Variants in BICD1 observed in about 807,000 individuals in gnomAD.
The protein encoded by BICD1 is BICD cargo adaptor 1, also known as protein bicaudal D homolog 1.
BICD1 carries 35 observed loss-of-function variants against 92.5 expected under a neutral mutation model. The observed-to-expected ratio is 0.38, with a 90% CI of 0.29 to 0.50. BICD1 has a LOEUF of 0.50. Among genes scored for constraint, BICD1 ranks in the 20% least tolerant of loss-of-function variants. BICD1 has a pLI of 0.93. For synonymous variants in BICD1, 429 were observed against 465.1 expected (o/e 0.92, Z 1.00); for missense variants, 950 against 1,189.8 (o/e 0.80, Z 2.97).
chr12:32,179,990 A>C (rs921413059), intron 1 of BICD1, among the ~76,000 whole-genome samples: 1 of 5,810 alleles, frequency 1.7e-4, no homozygotes, highest in Admixed American at 2.8e-3. Context: ...ACACGCTCTC[A>C]AAAAAAAAAA....
rs1053071640 is a variant in BICD1 at position 32,381,070 on chromosome 12, C to A, written c.*3443C>A. Reference sequence around the variant, plus strand: ...CATTTCAGTTCTGGGAGCTCATAATCCTGTGATTCTTTTATTTTAAGTTTT... The same window carrying A: ...CATTTCAGTTCTGGGAGCTCATAATACTGTGATTCTTTTATTTTAAGTTTT... On this transcript the variant is annotated 3_prime_UTR_variant, in exon 10 of 10. Transcript: ENST00000652176. The A allele has an allele frequency of 6.6e-6, 1 of 151,812 alleles. No homozygotes were observed. Among genetic ancestry groups the A allele is most frequent in the Non-Finnish European group, 1.5e-5 (1 of 67,900 alleles). The allele number at this position is 151,812 out of a possible 1,614,324, so 9.4% of individuals were successfully genotyped here.
At chr12:32,149,029 A>AAT (rs1046770673) in intron 1 of BICD1, among the ~76,000 whole-genome samples, 1 of 151,612 alleles carries the variant, frequency 6.6e-6, no homozygotes, top group Non-Finnish European at 1.5e-5. Flanking sequence ...CCAAAAAAAA[A>AAT]AAAGAGTTCT....
intron 3 of BICD1, among the ~76,000 whole-genome samples, chr12:32,298,182 CA>C (rs34140328): frequency 5.4e-4 from 72 of 132,160 alleles, no homozygotes; most frequent in African/African-American, 1.0e-3. Flanking sequence ...GACCCTGTCT[CA>C]AAAAAAAAAA....
intron 1 of BICD1, among the ~76,000 whole-genome samples, chr12:32,213,368 G>A (rs530883331): frequency 2.4e-4 from 36 of 152,232 alleles, no homozygotes; most frequent in African/African-American, 8.4e-4. Context: ...GTGATGTTGT[G>A]CCCTTCCCAA....
At chr12:32,374,910 CTTTTTTTTTTTTT>C (rs1185628924) in intron 9 of BICD1, among the ~76,000 whole-genome samples, 3 of 49,604 alleles carry the variant, frequency 6.0e-5, no homozygotes, top group African/African-American at 1.0e-4. Context: ...ATTTATTTTC[CTTTTTTTTTTTTT>C]TTTTTTTTTT....
chr12:32,150,203 A>C (rs1380895971), intron 1 of BICD1, among the ~76,000 whole-genome samples: 1 of 152,214 alleles, frequency 6.6e-6, no homozygotes, highest in Non-Finnish European at 1.5e-5. Context: ...GCTACAATTC[A>C]AGATGAGATT....
At chr12:32,254,126 A>T (rs1946653014) in intron 2 of BICD1, among the ~76,000 whole-genome samples, 1 of 148,946 alleles carries the variant, frequency 6.7e-6, no homozygotes, top group African/African-American at 2.5e-5. Context: ...CACCTGCCAT[A>T]TTCACTGCCG....
chr12:32,169,008 C>G (rs975395735), intron 1 of BICD1, among the ~76,000 whole-genome samples: 1 of 152,102 alleles, frequency 6.6e-6, no homozygotes, highest in Admixed American at 6.5e-5. Flanking sequence ...GAGAAAAACC[C>G]TTGCTTTGTG....
chr12:32,342,626 A>T (rs748362575), intron 8 of BICD1, among the ~76,000 whole-genome samples: 1 of 152,066 alleles, frequency 6.6e-6, no homozygotes, highest in Admixed American at 6.5e-5. Flanking sequence ...TTATTTTTCT[A>T]TTGAGGACCA....
intron 1 of BICD1, among the ~76,000 whole-genome samples, chr12:32,137,973 G>GT (rs1942787690): frequency 6.6e-6 from 1 of 151,926 alleles, no homozygotes. Context: ...AATTTTTGGT[G>GT]TTTTTAGTAG....
chr12:32,140,554 T>C (rs1942881121), intron 1 of BICD1, among the ~76,000 whole-genome samples: 1 of 152,174 alleles, frequency 6.6e-6, no homozygotes, highest in African/African-American at 2.4e-5. Flanking sequence ...CAATCTCAGC[T>C]CAATGCAACC....
At chr12:32,163,898 A>G (rs149112172) in intron 1 of BICD1, among the ~76,000 whole-genome samples, 219 of 152,354 alleles carry the variant, frequency 1.4e-3, no homozygotes, top group African/African-American at 5.1e-3. Context: ...AGAGATGTTC[A>G]TGAAGCTTTG....
chr12:32,144,515 A>G (rs1464654922), intron 1 of BICD1, among the ~76,000 whole-genome samples: 1 of 152,240 alleles, frequency 6.6e-6, no homozygotes, highest in Non-Finnish European at 1.5e-5. Flanking sequence ...CCAGCAAAAT[A>G]TGTCTTCTTA....
chr12:32,193,794 C>G (rs981229399), intron 1 of BICD1, among the ~76,000 whole-genome samples: 2 of 152,120 alleles, frequency 1.3e-5, no homozygotes, highest in Non-Finnish European at 2.9e-5. Flanking sequence ...GAATTAACAC[C>G]AATCCTTCTC....
At chr12:32,179,415 A>G (rs1565568503) in intron 1 of BICD1, among the ~76,000 whole-genome samples, 1 of 152,054 alleles carries the variant, frequency 6.6e-6, no homozygotes, top group African/African-American at 2.4e-5. Context: ...GTATTAATCC[A>G]TATTAACTAA....
intron 4 of BICD1, among the ~76,000 whole-genome samples, chr12:32,320,216 A>G (rs1290756919): frequency 6.6e-6 from 1 of 152,206 alleles, no homozygotes; most frequent in East Asian, 1.9e-4. Context: ...CTGAGAGTCA[A>G]AAGACTTGGC....
chr12:32,340,551 T>A (rs1482703804), intron 8 of BICD1: 1 of 901,082 alleles, frequency 1.1e-6, no homozygotes, highest in Non-Finnish European at 1.3e-6. Flanking sequence ...TATTGCTGTT[T>A]AATTAAAAAG....
chr12:32,337,960 T>C lies in BICD1; in HGVS notation c.2570+144T>C. ...TGGCATATAAATGGTCTTGCTAATG[T>C]GGGTCTTTCCAGATCAAAACCTTTT... On this transcript the variant is annotated intron_variant, in intron 7 of 9. Transcript: ENST00000652176. This position sits in a 1 kb window ranked among gnomAD's most constrained non-coding sequence, Gnocchi z 4.7. The C allele has an allele frequency of 1.1e-6, 1 of 892,166 alleles. No individual in the cohort carries two copies. Among genetic ancestry groups the C allele is most frequent in the Non-Finnish European group, 1.7e-6 (1 of 587,642 alleles). The allele number at this position is 892,166 out of a possible 1,614,324, so 55.3% of individuals were successfully genotyped here. A position where few individuals can be genotyped will look rare whatever the true frequency, so the allele number is the denominator to read the frequency against.
intron 2 of BICD1, among the ~76,000 whole-genome samples, chr12:32,235,726 A>C (rs1372031705): frequency 6.9e-6 from 1 of 144,744 alleles, no homozygotes; most frequent in Admixed American, 7.0e-5. Context: ...TTTTAGACAG[A>C]GTCTCGATCA....
Sources: gnomAD v4.1 joint callset for allele counts (sites outside exome capture counted in the v4.1 genomes callset) on GRCh38, gnomAD v4.1.1 for gene constraint, Gnocchi (gnomAD v3.1) non-coding constraint, MANE v1.5 for transcripts, NCBI Gene and HGNC (gene_info 2026-07-23, HGNC 2026-07-21) for gene names.